Variants in ABCB9 observed in about 807,000 individuals in gnomAD.
ABCB9 encodes ABC-type oligopeptide transporter ABCB9.
A neutral mutation model predicts 62.0 loss-of-function variants in ABCB9; 36 were observed. That is an observed-to-expected ratio of 0.58 (90% CI 0.45 to 0.77). The LOEUF (loss-of-function observed/expected upper bound fraction) is 0.77. Ranked by LOEUF, ABCB9 falls within the 30% of genes least tolerant of loss-of-function variation. ABCB9 has a pLI of 0.00. For missense variants in ABCB9, 943 were observed against 1,054.7 expected, an observed-to-expected ratio of 0.89 and a Z score of 1.47; for synonymous variants, 435 against 461.4, an observed-to-expected ratio of 0.94 and a Z score of 0.73.
At chr12:122,950,912 A>G in intron 2 of ABCB9, 1 of 202,718 alleles carries the variant, frequency 4.9e-6, no homozygotes, top group Non-Finnish European at 1.0e-5. Context: ...TGGTGTAATC[A>G]TAGCTCACTG....
At chr12:122,952,818 C>A (rs1414708705) in intron 2 of ABCB9, 1 of 152,272 alleles carries the variant, frequency 6.6e-6, no homozygotes, top group Non-Finnish European at 1.5e-5. Context: ...CAGAACCTGA[C>A]CACTTTCACT....
At chr12:122,946,283 GC>G in intron 5 of ABCB9, 61 bp from the exon 6 acceptor site, 2 of 1,572,220 alleles carry the variant, frequency 1.3e-6, no homozygotes, top group Admixed American at 1.7e-5. Flanking sequence ...ATGTACTGGA[GC>G]CCCCAGGCCT....
At chr12:122,946,481 G>C in intron 5 of ABCB9, 1 of 528,022 alleles carries the variant, frequency 1.9e-6, no homozygotes, top group East Asian at 3.3e-5. Context: ...GGTGCTGATC[G>C]TTAAGTCATC....
rs535331436 is a variant in ABCB9 at position 122,954,056 on chromosome 12, C to CA, written c.602-3492dup. The stretch of plus-strand genomic sequence containing the variant: ...AGGTAGCTCACACCTGCAATCCCAG[C>CA]ACTTTGGGAGGCCGAGGTGGGAGGA... On this transcript the variant is annotated intron_variant, in intron 2 of 11. Transcript: ENST00000280560. 9.2e-4 allele frequency among the ~76,000 whole-genome samples: 140 copies of CA among 152,116 alleles called. 4 individuals are homozygous for CA. In the South Asian group the frequency reaches 0.029, roughly 31 times the overall value.
At chr12:122,924,263 T>C (rs1344172577), downstream of ABCB9, among the ~76,000 whole-genome samples, 1 of 152,230 alleles carries the variant, frequency 6.6e-6, no homozygotes, top group East Asian at 1.9e-4. Context: ...GTCATTTCTT[T>C]TCTCTGGGCC....
chr12:122,941,131 A>C, intron 7 of ABCB9, 136 bp from the exon 8 acceptor site: 1 of 862,778 alleles, frequency 1.2e-6, no homozygotes, highest in Non-Finnish European at 1.7e-6. Flanking sequence ...CTGACCACCC[A>C]CTGGTGCATT....
chr12:122,972,403 T>C (rs1221948972), intron 1 of ABCB9, among the ~76,000 whole-genome samples: 2 of 152,176 alleles, frequency 1.3e-5, no homozygotes, highest in Admixed American at 6.5e-5. Flanking sequence ...CTCAAGGGAA[T>C]AGAAAGCAGT....
At position 122,947,319 on chromosome 12, in the gene ABCB9, G is replaced by A. The variant is rs1021845139; in HGVS notation, c.1054-1097C>T. Among the ~76,000 whole-genome samples the A allele has an allele frequency of 5.3e-5, 8 of 152,142 alleles. No individual in the cohort carries two copies. The highest frequency in any genetic ancestry group is 9.7e-5 in the African/African-American group (4 of 41,424). ...CTCAGTGAGGACGGTGGGGAGGCTC[G>A]TGACCAGGAACTTCGGGAAGAGGTC... On this transcript the variant is annotated intron_variant, in intron 5 of 11. Transcript: ENST00000280560. This position sits in a 1 kb window ranked among gnomAD's most constrained non-coding sequence, Gnocchi z 6.0.
chr12:122,936,588 A>G (rs1174595857), intron 9 of ABCB9, among the ~76,000 whole-genome samples: 1 of 152,066 alleles, frequency 6.6e-6, no homozygotes, highest in Non-Finnish European at 1.5e-5. Flanking sequence ...CAACACAGTG[A>G]GAACCCGTCT....
In ABCB9 at chr12:122,940,852, A is replaced by G. The variant is rs1301880985; in HGVS notation, c.1524T>C (p.Asn508=). Residue 508 remains asparagine, a synonymous_variant, in exon 8 of 12, where the codon AAT becomes AAC. Transcript: ENST00000280560. This position sits in a 1 kb window ranked among gnomAD's most constrained non-coding sequence, Gnocchi z 4.8. ...GCCGAGTGCGGTAGGTGAAGGTCAC[A>G]TTCTCAAAGTCCACCCGGCCCTCCA... ...DHLEGRVDFE[N]VTFTYRTRPH... The G allele has an allele frequency of 6.2e-7, 1 of 1,610,754 alleles. No homozygotes were observed. The highest frequency in any genetic ancestry group is 2.2e-5 in the East Asian group (1 of 44,798).
chr12:122,922,942 C>T (rs1504919), intron 11 of ABCB9, among the ~76,000 whole-genome samples: 293 of 151,818 alleles, frequency 1.9e-3, no homozygotes, highest in African/African-American at 6.9e-3. Flanking sequence ...TATAGGCACA[C>T]GCCACTACAC....
intron 3 of ABCB9, 53 bp downstream of exon 3, chr12:122,950,398 C>G: frequency 6.6e-7 from 1 of 1,517,388 alleles, no homozygotes; most frequent in East Asian, 2.3e-5. Flanking sequence ...TCCCTTCCCT[C>G]CCTGGTGCAG....
chr12:122,951,328 G>A (rs1398192075), intron 2 of ABCB9: 3 of 150,766 alleles, frequency 2.0e-5, no homozygotes, highest in African/African-American at 7.3e-5. Context: ...GGGCTCAGTG[G>A]ATCTTCCCAC....
Position 122,959,788 on chromosome 12 carries a change from CT to C in ABCB9, c.447del (p.Ala151ArgfsTer107), listed in dbSNP as rs1304069615. 1 of 1,612,046 alleles carries C rather than the reference CT, an allele frequency of 6.2e-7. No individual in the cohort carries two copies. Among genetic ancestry groups the C allele is most frequent in the Non-Finnish European group, 8.5e-7 (1 of 1,179,334 alleles). ...AAGCCCTCAGCCTCGGTGGCCGCCC[CT>C]GGCTCCAGGGCCTGGGTGCCTGGCC... The part of the protein sequence containing the change: ...TVRPGTQALE[P>X]GAATEAEGFP... On this transcript the variant is annotated frameshift_variant, in exon 2 of 12. Transcript: ENST00000280560. LOFTEE classifies it high-confidence loss of function. This position sits in a 1 kb window ranked among gnomAD's most constrained non-coding sequence, Gnocchi z 5.4.
chr12:122,962,893 A>G (rs537011957), intron 1 of ABCB9, among the ~76,000 whole-genome samples: 1 of 152,322 alleles, frequency 6.6e-6, no homozygotes, highest in Admixed American at 6.5e-5. Context: ...GAATTTGCCC[A>G]AGATTACACA....
Position 122,940,228 on chromosome 12 carries a change from G to A in ABCB9, c.1626C>T (p.Gly542=). The change falls in exon 9 of 12, where the codon GGC becomes GGT. Residue 542 remains glycine, a synonymous_variant. Coordinates refer to ENST00000280560, the MANE Select transcript of ABCB9 (RefSeq NM_019625.4). The surrounding 1 kb of genome is among the most constrained non-coding windows in gnomAD (Gnocchi z 4.8). ...GKVTALVGPS[G]SGKSSCVNIL... is the part of the protein sequence containing the mutation. ...TGTTGACACAGGAGCTCTTCCCACT[G>A]CCCGAGGGCCCCACCAGGGCCGTCA... 1 of 1,611,838 alleles carries A rather than the reference G, an allele frequency of 6.2e-7. No homozygotes were observed. Among genetic ancestry groups the A allele is most frequent in the Non-Finnish European group, 8.5e-7 (1 of 1,178,666 alleles).
At chr12:122,974,912 G>A (rs905959622) in exon 1 of ABCB9, 9 of 204,252 alleles carry the variant, frequency 4.4e-5, no homozygotes, top group Non-Finnish European at 6.9e-5. Context: ...GGCAGACGGC[G>A]GGGGGTGGGT....
At chr12:122,927,569 G>C (rs369579087), downstream of ABCB9, among the ~76,000 whole-genome samples, 34 of 152,234 alleles carry the variant, frequency 2.2e-4, no homozygotes, top group African/African-American at 7.7e-4. Flanking sequence ...TTTTGGGTGT[G>C]GGTTTACAAA....
In ABCB9 at chr12:122,957,179, T is replaced by C. The variant is rs555595996; in HGVS notation, c.601+2456A>G. 7.9e-5 allele frequency among the ~76,000 whole-genome samples: 12 copies of C among 152,180 alleles called. No individual in the cohort carries two copies. In the South Asian group the frequency reaches 2.5e-3, roughly 32 times the overall value. Reference sequence around the variant, plus strand: ...CCTTAGCCTCCTGAGTAGCTGGGACTATAGGCAAGTACCACCATGCCCAGC... The same window carrying C: ...CCTTAGCCTCCTGAGTAGCTGGGACCATAGGCAAGTACCACCATGCCCAGC... On this transcript the variant is annotated intron_variant, in intron 2 of 11. Coordinates refer to ENST00000280560, the MANE Select transcript of ABCB9 (RefSeq NM_019625.4).
Sources: gnomAD v4.1 joint callset for allele counts (sites outside exome capture counted in the v4.1 genomes callset) on GRCh38, gnomAD v4.1.1 for gene constraint, Gnocchi (gnomAD v3.1) non-coding constraint, MANE v1.5 for transcripts, NCBI Gene and HGNC (gene_info 2026-07-23, HGNC 2026-07-21) for gene names.